LPP: variants seen among roughly 807,000 people sequenced by gnomAD.
The protein encoded by LPP is lipoma-preferred partner.
In LPP, 38 loss-of-function variants were observed where a neutral mutation model predicts 60.4. The observed-to-expected ratio is 0.63, with a 90% CI of 0.49 to 0.83. The LOEUF (loss-of-function observed/expected upper bound fraction) is 0.83, where lower values mean the gene tolerates loss of function less well. LPP is among the 40% of genes least tolerant of loss of function. The pLI, the probability that LPP is intolerant of heterozygous loss-of-function variation, is 0.00. For synonymous variants in LPP, 328 were observed against 290.8 expected (o/e 1.13, Z -1.30); for missense variants, 902 against 783.6 (o/e 1.15, Z -1.80).
chr3:188,734,776 C>T (rs1721910520), intron 8 of LPP, among the ~76,000 whole-genome samples: 1 of 152,178 alleles, frequency 6.6e-6, no homozygotes, highest in Non-Finnish European at 1.5e-5. Flanking sequence ...GATTGTCATC[C>T]ATCCCAATGA....
intron 5 of LPP, among the ~76,000 whole-genome samples, chr3:188,515,718 G>A (rs1011838672): frequency 4.6e-5 from 7 of 152,086 alleles, no homozygotes; most frequent in South Asian, 2.1e-4. Flanking sequence ...TGTCCTTCTC[G>A]GATATTAATA....
chr3:188,748,161 G>C (rs1269546486), intron 8 of LPP, among the ~76,000 whole-genome samples: 2 of 152,080 alleles, frequency 1.3e-5, no homozygotes, highest in Non-Finnish European at 2.9e-5. Context: ...TTATTTTACA[G>C]CAGTTTATTT....
chr3:188,543,782 G>C (rs1182116660), intron 6 of LPP, among the ~76,000 whole-genome samples: 2 of 152,150 alleles, frequency 1.3e-5, no homozygotes, highest in African/African-American at 4.8e-5. Flanking sequence ...TGAAGTAAGT[G>C]ACTAGGATTA....
chr3:188,831,246 A>G (rs902986112), intron 9 of LPP, among the ~76,000 whole-genome samples: 11 of 152,212 alleles, frequency 7.2e-5, no homozygotes, highest in African/African-American at 2.7e-4. Flanking sequence ...TGACACCACT[A>G]TAAGTGTGAA....
intron 3 of LPP, among the ~76,000 whole-genome samples, chr3:188,399,684 A>G (rs1781785964): frequency 6.6e-6 from 1 of 152,222 alleles, no homozygotes; most frequent in Non-Finnish European, 1.5e-5. Flanking sequence ...GAATCAGAGT[A>G]TATACATAAA....
intron 2 of LPP, among the ~76,000 whole-genome samples, chr3:188,269,605 C>T (rs896180654): frequency 6.7e-6 from 1 of 149,402 alleles, no homozygotes; most frequent in African/African-American, 2.5e-5. Context: ...AGATGCCTAA[C>T]ACATGTTCTG....
In LPP at chr3:188,530,496, T is replaced by C. The variant is rs550280479; in HGVS notation, c.429+5709T>C. On this transcript the variant is annotated intron_variant, in intron 6 of 11. Coordinates refer to ENST00000617246, the MANE Select transcript of LPP (RefSeq NM_001375462.1). ...TAGAATATCAGAGCTTTAGTGGGCC[T>C]TCCAGCTCACTTAGCCAAACTCTTA... Among the ~76,000 whole-genome samples the C allele has an allele frequency of 1.8e-4, 28 of 152,304 alleles. No homozygotes were observed. In the South Asian group the frequency reaches 5.6e-3, roughly 30 times the overall value.
In LPP at chr3:188,699,397, T is replaced by C. The variant is rs566844168; in HGVS notation, c.1114-8870T>C. On this transcript the variant is annotated intron_variant, in intron 7 of 11. Transcript: ENST00000617246. ...CTCTTCCAACAACTCCTCCTGTCTGTAATTCAGAATCATCCATCCTTGGCT... is the reference window on the plus strand; with the variant it reads ...CTCTTCCAACAACTCCTCCTGTCTGCAATTCAGAATCATCCATCCTTGGCT... Among the ~76,000 whole-genome samples, 52 of 152,252 alleles carry C rather than the reference T, an allele frequency of 3.4e-4. 1 individual carries two copies. The highest frequency in any genetic ancestry group is 7.9e-4 in the Admixed American group (12 of 15,280).
chr3:188,869,754 G>C (rs1048057374), intron 10 of LPP, among the ~76,000 whole-genome samples: 2 of 152,206 alleles, frequency 1.3e-5, no homozygotes, highest in Non-Finnish European at 2.9e-5. Context: ...TGTGTAACAA[G>C]GTTCTGGAAT....
intron 1 of LPP, among the ~76,000 whole-genome samples, chr3:188,158,452 G>A (rs1180609434): frequency 2.6e-5 from 4 of 152,136 alleles, no homozygotes. Context: ...TGGAGGCTTG[G>A]AGAAAAAGGC....
chr3:188,412,020 A>G (rs1485982741), intron 4 of LPP, among the ~76,000 whole-genome samples: 1 of 151,058 alleles, frequency 6.6e-6, no homozygotes, highest in Non-Finnish European at 1.5e-5. Context: ...ATGAAATTTG[A>G]TAATACTTTT....
intron 2 of LPP, among the ~76,000 whole-genome samples, chr3:188,335,567 G>T (rs1423208625): frequency 1.3e-5 from 2 of 152,006 alleles, no homozygotes; most frequent in Non-Finnish European, 1.5e-5. Context: ...TTATTTTTGA[G>T]ATTTATTCTT....
At chr3:188,282,844 A>T (rs1484764626) in intron 2 of LPP, among the ~76,000 whole-genome samples, 2 of 152,064 alleles carry the variant, frequency 1.3e-5, no homozygotes, top group African/African-American at 4.8e-5. Flanking sequence ...AGATACTTTC[A>T]TACACCACCT....
intron 7 of LPP, among the ~76,000 whole-genome samples, chr3:188,645,562 T>C (rs1850955636): frequency 6.6e-6 from 1 of 152,142 alleles, no homozygotes; most frequent in African/African-American, 2.4e-5. Context: ...TCACTTTTCA[T>C]TAGGAGACAA....
In LPP at chr3:188,485,937, T is replaced by C. The variant is rs541948587; in HGVS notation, c.306+1233T>C. Among the ~76,000 whole-genome samples, 4 of 152,186 alleles carry C rather than the reference T, an allele frequency of 2.6e-5. No homozygotes were observed. The South Asian group carries it at 8.3e-4, about 32-fold the overall frequency. ...TTGGGTGCATGGAAGTTTATTCTGT[T>C]ATTCCGTCTACCTTTTAAAAAATAC... On this transcript the variant is annotated intron_variant, in intron 5 of 11. Coordinates refer to ENST00000617246, the MANE Select transcript of LPP (RefSeq NM_001375462.1).
intron 2 of LPP, among the ~76,000 whole-genome samples, chr3:188,334,551 C>G (rs1404103158): frequency 6.6e-6 from 1 of 151,276 alleles, no homozygotes; most frequent in Non-Finnish European, 1.5e-5. Context: ...CTGCCTCAGC[C>G]TCCCGAGTAG....
chr3:188,215,934 C>A (rs1014340351), intron 1 of LPP, among the ~76,000 whole-genome samples: 1 of 152,200 alleles, frequency 6.6e-6, no homozygotes, highest in South Asian at 2.1e-4. Context: ...AAGGGCTGTA[C>A]GCAGCTATGC....
intron 9 of LPP, among the ~76,000 whole-genome samples, chr3:188,841,857 A>T (rs1760101821): frequency 6.6e-6 from 1 of 151,980 alleles, no homozygotes. Flanking sequence ...TCTATTATTG[A>T]TGTATAGGAA....
In LPP at chr3:188,492,397, A is replaced by G. The variant is rs537342570; in HGVS notation, c.306+7693A>G. Among the ~76,000 whole-genome samples the G allele has an allele frequency of 2.0e-5, 3 of 152,234 alleles. No individual in the cohort carries two copies. In the East Asian group the frequency reaches 5.8e-4, roughly 29 times the overall value. On this transcript the variant is annotated intron_variant, in intron 5 of 11. Transcript: ENST00000617246. ...AAAAGTAGTGGGTCTTTTTCTACTT[A>G]TAAGAAAGTAATGTCAGCCGGGTGT...
Sources: gnomAD v4.1 joint callset for allele counts (sites outside exome capture counted in the v4.1 genomes callset) on GRCh38, gnomAD v4.1.1 for gene constraint, MANE v1.5 for transcripts, NCBI Gene and HGNC (gene_info 2026-07-23, HGNC 2026-07-21) for gene names.